DKK3: variants seen among roughly 807,000 people sequenced by gnomAD.
DKK3 encodes dickkopf Wnt signaling pathway inhibitor 3.
A neutral mutation model predicts 33.2 loss-of-function variants in DKK3; 22 were observed. That is an observed-to-expected ratio of 0.66 (90% CI 0.47 to 0.95). The LOEUF is 0.95. Among genes scored for constraint, DKK3 ranks in the 40% least tolerant of loss-of-function variants. The pLI is 0.00. For missense variants in DKK3, 398 were observed against 458.4 expected, an observed-to-expected ratio of 0.87 and a Z score of 1.20; for synonymous variants, 194 against 188.8, an observed-to-expected ratio of 1.03 and a Z score of -0.23.
intron 6 of DKK3, 68 bp from the exon 7 acceptor site, chr11:11,964,754 C>T (rs1351055511): frequency 2.6e-6 from 4 of 1,552,856 alleles, no homozygotes; most frequent in African/African-American, 1.4e-5. Context: ...GCTAAGGCGC[C>T]CTGACTCTGT....
At chr11:11,991,900 T>G (rs1848195782) in intron 3 of DKK3, among the ~76,000 whole-genome samples, 2 of 152,206 alleles carry the variant, frequency 1.3e-5, no homozygotes, top group South Asian at 4.1e-4. Context: ...CTACCTGGTT[T>G]TCCCCTGCAC....
At chr11:11,978,660 T>C (rs530650192) in intron 3 of DKK3, among the ~76,000 whole-genome samples, 88 of 152,260 alleles carry the variant, frequency 5.8e-4, no homozygotes, top group African/African-American at 2.0e-3. Flanking sequence ...ATTATAGGTG[T>C]GAGCAACCAT....
intron 4 of DKK3, 55 bp from the exon 5 acceptor site, chr11:11,967,153 T>C: frequency 1.3e-6 from 2 of 1,589,636 alleles, no homozygotes; most frequent in South Asian, 1.2e-5. Context: ...GGGGGCCTGC[T>C]GAGAGCCCAG....
At chr11:12,001,415 AT>A (rs1228730645) in intron 2 of DKK3, among the ~76,000 whole-genome samples, 1 of 152,190 alleles carries the variant, frequency 6.6e-6, no homozygotes, top group Non-Finnish European at 1.5e-5. Flanking sequence ...CAGAAACACT[AT>A]TGTTTCAACC....
intron 3 of DKK3, among the ~76,000 whole-genome samples, chr11:11,993,192 CTT>C: frequency 6.6e-6 from 1 of 152,242 alleles, no homozygotes; most frequent in Middle Eastern, 3.4e-3. Context: ...TTCACAAACT[CTT>C]TTGAAAATAA....
rs1848579705 is a variant in DKK3, at chr11:12,008,282, C to T, written c.213+88G>A. On this transcript the variant is annotated intron_variant, in intron 1 of 6. Coordinates refer to ENST00000683431, the MANE Select transcript of DKK3 (RefSeq NM_001018057.2). This position sits in a 1 kb window ranked among gnomAD's most constrained non-coding sequence, Gnocchi z 4.6. ...CAGGCCCTGCGCGGGACCCGAGGTC[C>T]CTGGCCAGCGCTCTTCCATGCCTTC... The T allele has an allele frequency of 1.4e-6, 2 of 1,469,998 alleles. No individual in the cohort carries two copies. Among genetic ancestry groups the T allele is most frequent in the African/African-American group, 2.8e-5 (2 of 70,838 alleles). The allele number at this position is 1,469,998 out of a possible 1,614,324, so 91.1% of individuals were successfully genotyped here.
intron 5 of DKK3, among the ~76,000 whole-genome samples, chr11:11,966,678 G>T (rs1452098128): frequency 6.6e-6 from 1 of 152,150 alleles, no homozygotes; most frequent in African/African-American, 2.4e-5. Flanking sequence ...GGAGTGGTGG[G>T]AGGGAGGGGG....
chr11:11,991,892 A>G (rs938242629), intron 3 of DKK3, among the ~76,000 whole-genome samples: 1 of 152,184 alleles, frequency 6.6e-6, no homozygotes, highest in African/African-American at 2.4e-5. Flanking sequence ...TTCCATGGCT[A>G]CCTGGTTTTC....
chr11:12,002,743 T>C (rs959738399), intron 1 of DKK3, among the ~76,000 whole-genome samples: 3 of 152,136 alleles, frequency 2.0e-5, no homozygotes, highest in Non-Finnish European at 4.4e-5. Flanking sequence ...GGAGCTGGGA[T>C]TTGAACATGT....
chr11:12,007,476 C>T (rs1320639193), intron 1 of DKK3, among the ~76,000 whole-genome samples: 1 of 152,200 alleles, frequency 6.6e-6, no homozygotes, highest in Non-Finnish European at 1.5e-5. Context: ...ACATCTCCTG[C>T]CCAGGTAGCC....
chr11:12,005,936 AAGAT>A (rs1848527644), intron 1 of DKK3, among the ~76,000 whole-genome samples: 1 of 152,216 alleles, frequency 6.6e-6, no homozygotes, highest in African/African-American at 2.4e-5. Context: ...GATATTTTAA[AAGAT>A]AGATTCTATT....
intron 4 of DKK3, among the ~76,000 whole-genome samples, chr11:11,967,831 C>G (rs1265177049): frequency 6.6e-6 from 1 of 152,240 alleles, no homozygotes; most frequent in Non-Finnish European, 1.5e-5. Flanking sequence ...AGTGCCCTGG[C>G]CTCTTCTTGC....
chr11:11,984,837 C>G (rs970070903), intron 3 of DKK3, among the ~76,000 whole-genome samples: 3 of 152,158 alleles, frequency 2.0e-5, no homozygotes, highest in African/African-American at 7.2e-5. Context: ...TCCTGCCTTC[C>G]AGTCTCTTCC....
At chr11:11,979,225 G>A (rs1007445447) in intron 3 of DKK3, among the ~76,000 whole-genome samples, 3 of 152,228 alleles carry the variant, frequency 2.0e-5, no homozygotes, top group African/African-American at 7.2e-5. Flanking sequence ...GGAAATGGAG[G>A]CTGGGTGGGG....
chr11:11,981,400 C>T (rs1847951696), intron 3 of DKK3, among the ~76,000 whole-genome samples: 1 of 152,198 alleles, frequency 6.6e-6, no homozygotes, highest in Admixed American at 6.5e-5. Flanking sequence ...CATTACGGAG[C>T]AGAGACAAAC....
chr11:12,008,878 C>T (rs1051903345), upstream of DKK3: 15 of 1,122,464 alleles, frequency 1.3e-5, no homozygotes, highest in Middle Eastern at 3.8e-4. This position sits in a 1 kb window ranked among gnomAD's most constrained non-coding sequence, Gnocchi z 4.6. Context: ...ACCTGTGATG[C>T]TGGAGCCCTC....
chr11:11,967,039 G>C lies in DKK3; in HGVS notation c.588C>G (p.Thr196=). The C allele has an allele frequency of 6.2e-7, 1 of 1,613,992 alleles. No individual in the cohort carries two copies. Among genetic ancestry groups the C allele is most frequent in the East Asian group, 2.2e-5 (1 of 44,878 alleles). ...GDQLCVWGHC[T]KMATRGSNGT... is the part of the protein sequence containing the mutation. ...CATTGCTGCCCCTGGTGGCCATTTT[G>C]GTGCAGTGACCCCAGACACACAGCT... Residue 196 remains threonine (T), a synonymous_variant, in exon 5 of 7, where the codon ACC becomes ACG. Coordinates refer to ENST00000683431, the MANE Select transcript of DKK3 (RefSeq NM_001018057.2).
chr11:11,998,583 A>G lies in DKK3; in HGVS notation c.435+113T>C. The G allele has an allele frequency of 3.3e-6, 3 of 898,900 alleles. No homozygotes were observed. In the South Asian group the frequency reaches 4.1e-5, roughly 12 times the overall value. 55.7% of individuals were successfully genotyped at this position (898,900 alleles called of 1,614,324 possible). The stretch of plus-strand genomic sequence containing the variant: ...TGAGGAATCTCGGTAGAAATGAGTC[A>G]GGAGACTCCACTCCCTCCTGCCCAT... On this transcript the variant is annotated intron_variant, in intron 3 of 6. Transcript: ENST00000683431.
At chr11:11,990,478 G>A (rs1039075269) in intron 3 of DKK3, among the ~76,000 whole-genome samples, 2 of 152,222 alleles carry the variant, frequency 1.3e-5, no homozygotes, top group Non-Finnish European at 2.9e-5. Context: ...AAGCTCCATC[G>A]CCACGAATGT....
Sources: gnomAD v4.1 joint callset for allele counts (sites outside exome capture counted in the v4.1 genomes callset) on GRCh38, gnomAD v4.1.1 for gene constraint, Gnocchi (gnomAD v3.1) non-coding constraint, MANE v1.5 for transcripts, NCBI Gene and HGNC (gene_info 2026-07-23, HGNC 2026-07-21) for gene names.